CNTNAP2: variants seen among roughly 807,000 people sequenced by gnomAD.
CNTNAP2 encodes the protein contactin associated protein 2.
In CNTNAP2, 98 loss-of-function variants were observed where a neutral mutation model predicts 155.2. The ratio of observed to expected loss-of-function variants is 0.63; its 90% CI spans 0.54 to 0.75. CNTNAP2 has a LOEUF of 0.75. Among genes scored for constraint, CNTNAP2 ranks in the 30% least tolerant of loss-of-function variants. The pLI is 0.00. For missense variants in CNTNAP2, 1,727 were observed against 1,688.1 expected, an observed-to-expected ratio of 1.02 and a Z score of -0.40; for synonymous variants, 651 against 631.2, an observed-to-expected ratio of 1.03 and a Z score of -0.47.
intron 3 of CNTNAP2, among the ~76,000 whole-genome samples, chr7:146,935,632 A>G (rs547138420): frequency 8.5e-4 from 129 of 152,198 alleles, no homozygotes; most frequent in Non-Finnish European, 1.5e-3. Flanking sequence ...CTATAATTAC[A>G]CAGCAGATTT....
At chr7:146,886,901 C>G (rs574040047) in intron 3 of CNTNAP2, among the ~76,000 whole-genome samples, 2 of 151,682 alleles carry the variant, frequency 1.3e-5, no homozygotes, top group South Asian at 2.1e-4. Flanking sequence ...TGCTGGAAAA[C>G]TTTTGCTAAA....
intron 3 of CNTNAP2, among the ~76,000 whole-genome samples, chr7:146,904,541 G>A (rs1796077915): frequency 6.6e-6 from 1 of 152,028 alleles, no homozygotes; most frequent in Non-Finnish European, 1.5e-5. Flanking sequence ...GCGCGATCTC[G>A]GCTCACTGCA....
chr7:148,261,767 G>A (rs1796566955), intron 20 of CNTNAP2, among the ~76,000 whole-genome samples: 1 of 152,130 alleles, frequency 6.6e-6, no homozygotes, highest in Non-Finnish European at 1.5e-5. Flanking sequence ...TGCCATGGCT[G>A]AGACGCTAGG....
At chr7:147,512,272 G>A (rs1488672110) in intron 11 of CNTNAP2, among the ~76,000 whole-genome samples, 1 of 152,152 alleles carries the variant, frequency 6.6e-6, no homozygotes, top group Non-Finnish European at 1.5e-5. Flanking sequence ...TTGTCCTTTT[G>A]AGACAGTTTT....
chr7:147,787,818 G>A (rs972891029), intron 13 of CNTNAP2, among the ~76,000 whole-genome samples: 1 of 152,084 alleles, frequency 6.6e-6, no homozygotes, highest in African/African-American at 2.4e-5. Context: ...AAATTAGACT[G>A]GACTCATTTT....
intron 1 of CNTNAP2, among the ~76,000 whole-genome samples, chr7:146,647,615 G>A (rs922853918): frequency 2.0e-5 from 3 of 152,086 alleles, no homozygotes; most frequent in Admixed American, 6.6e-5. Flanking sequence ...TCACTGGGAA[G>A]CAACAAGTGT....
intron 12 of CNTNAP2, among the ~76,000 whole-genome samples, chr7:147,595,240 A>C (rs1800806811): frequency 1.3e-5 from 2 of 152,114 alleles, no homozygotes; most frequent in Admixed American, 6.5e-5. Context: ...TAGTCAGTAA[A>C]CTTTTTATGA....
chr7:146,976,459 A>C (rs1465754183), intron 3 of CNTNAP2, among the ~76,000 whole-genome samples: 2 of 152,162 alleles, frequency 1.3e-5, no homozygotes, highest in South Asian at 2.1e-4. Flanking sequence ...CAGGGATCCC[A>C]CCACCTCCTC....
chr7:147,929,729 GC>G (rs1800463812), intron 14 of CNTNAP2, among the ~76,000 whole-genome samples: 1 of 152,128 alleles, frequency 6.6e-6, no homozygotes, highest in Non-Finnish European at 1.5e-5. Context: ...TTTTAGGTAA[GC>G]CCATTGTAAC....
rs574161359 is a variant in CNTNAP2, at chr7:147,318,559, A to G, written c.1498+18269A>G. ...AGGGACACAGATGAAGCTGGAAAAC[A>G]CAGGAACAGAAAACCAACACCACAT... On this transcript the variant is annotated intron_variant, in intron 9 of 23. Transcript: ENST00000361727. 2.6e-5 allele frequency among the ~76,000 whole-genome samples: 4 copies of G among 152,280 alleles called. No homozygotes were observed. In the South Asian group the frequency reaches 8.3e-4, roughly 32 times the overall value.
intron 13 of CNTNAP2, among the ~76,000 whole-genome samples, chr7:147,702,204 A>G (rs767646777): frequency 6.6e-6 from 1 of 151,876 alleles, no homozygotes; most frequent in South Asian, 2.1e-4. Flanking sequence ...ATCCACCTCT[A>G]CAAGATATGA....
At chr7:148,004,240 T>C (rs1801938928) in intron 15 of CNTNAP2, among the ~76,000 whole-genome samples, 1 of 152,188 alleles carries the variant, frequency 6.6e-6, no homozygotes, top group Non-Finnish European at 1.5e-5. Context: ...TCTTTCAGAA[T>C]TATGCCAACC....
chr7:147,580,053 A>G (rs1184801012), intron 12 of CNTNAP2, among the ~76,000 whole-genome samples: 1 of 152,190 alleles, frequency 6.6e-6, no homozygotes, highest in East Asian at 1.9e-4. Context: ...TTGATAGTAA[A>G]TTATTCAACT....
chr7:148,403,291 C>T (rs969858444), intron 22 of CNTNAP2, among the ~76,000 whole-genome samples: 1 of 151,568 alleles, frequency 6.6e-6, no homozygotes, highest in East Asian at 1.9e-4. Flanking sequence ...TATAGGAACA[C>T]GGATGACTAC....
intron 11 of CNTNAP2, among the ~76,000 whole-genome samples, chr7:147,556,109 A>G (rs6464821): frequency 0.45 from 68,987 of 151,860 alleles, 15,829 homozygotes; most frequent in East Asian, 0.61. Flanking sequence ...GGTGTTTCGT[A>G]TTCTACTGGT....
intron 13 of CNTNAP2, among the ~76,000 whole-genome samples, chr7:147,856,876 T>C (rs12540934): frequency 0.081 from 12,353 of 152,186 alleles, 549 homozygotes; most frequent in East Asian, 0.17. Flanking sequence ...CTTAAAAGTC[T>C]ACAGATTTGA....
rs932902192 is a variant in CNTNAP2, at chr7:148,039,685, C to T, written c.2383+61696C>T. ...TGAGAAGTGGGGACATGGTAAAGAG[C>T]TAAGGATGCTTGCAACCCAATATTC... On this transcript the variant is annotated intron_variant, in intron 15 of 23. Coordinates refer to ENST00000361727, the MANE Select transcript of CNTNAP2 (RefSeq NM_014141.6). Among the ~76,000 whole-genome samples the T allele has an allele frequency of 5.9e-5, 9 of 152,284 alleles. No individual in the cohort carries two copies. In the East Asian group the frequency reaches 1.7e-3, roughly 29 times the overall value.
intron 9 of CNTNAP2, among the ~76,000 whole-genome samples, chr7:147,363,121 G>A (rs74970625): frequency 6.6e-6 from 1 of 152,248 alleles, no homozygotes; most frequent in African/African-American, 2.4e-5. Flanking sequence ...ATACGTGGTG[G>A]GACCTTTGGA....
At chr7:146,228,025 C>T (rs1458806057) in intron 1 of CNTNAP2, among the ~76,000 whole-genome samples, 1 of 152,178 alleles carries the variant, frequency 6.6e-6, no homozygotes, top group Non-Finnish European at 1.5e-5. Flanking sequence ...ACAAAGCATG[C>T]ACTCCATCTT....
Sources: gnomAD v4.1 joint callset for allele counts (sites outside exome capture counted in the v4.1 genomes callset) on GRCh38, gnomAD v4.1.1 for gene constraint, MANE v1.5 for transcripts, NCBI Gene and HGNC (gene_info 2026-07-23, HGNC 2026-07-21) for gene names.